Variants in NRF1 observed in about 807,000 individuals in gnomAD.
The protein encoded by NRF1 is alpha palindromic-binding protein.
In NRF1, 5 loss-of-function variants were observed where a neutral mutation model predicts 58.5. The ratio of observed to expected loss-of-function variants is 0.09; its 90% CI spans 0.04 to 0.18. The LOEUF is 0.18. Ranked by LOEUF, NRF1 falls within the 10% of genes least tolerant of loss-of-function variation. The probability of loss-of-function intolerance (pLI) is 1.00; values close to 1 mark genes in which losing one functional copy is unlikely to be tolerated. For synonymous variants in NRF1, 224 were observed against 246.7 expected, an observed-to-expected ratio of 0.91 and a Z score of 0.86; for missense variants, 288 against 657.7, an observed-to-expected ratio of 0.44 and a Z score of 6.15.
chr7:129,722,569 T>G (rs1803353641), intron 9 of NRF1, among the ~76,000 whole-genome samples: 1 of 152,142 alleles, frequency 6.6e-6, no homozygotes, highest in Non-Finnish European at 1.5e-5. Context: ...CGTACTGATC[T>G]GTCAACCTGT....
At chr7:129,711,267 A>G (rs555972748) in intron 7 of NRF1, among the ~76,000 whole-genome samples, 1 of 152,332 alleles carries the variant, frequency 6.6e-6, no homozygotes, top group East Asian at 1.9e-4. Context: ...CTTTTCTCAT[A>G]TGGACTTATT....
chr7:129,733,920 G>A (rs1228973378), intron 10 of NRF1, among the ~76,000 whole-genome samples: 1 of 152,014 alleles, frequency 6.6e-6, no homozygotes, highest in East Asian at 1.9e-4. Context: ...CTACTCAGGA[G>A]GCTAAGGTGA....
chr7:129,664,585 C>A (rs1801878338), intron 2 of NRF1, among the ~76,000 whole-genome samples: 1 of 152,154 alleles, frequency 6.6e-6, no homozygotes, highest in African/African-American at 2.4e-5. Flanking sequence ...GCTTATGTGT[C>A]CCAGCAGAGG....
intron 4 of NRF1, among the ~76,000 whole-genome samples, chr7:129,684,243 A>G (rs1305897090): frequency 3.3e-5 from 5 of 151,364 alleles, no homozygotes; most frequent in Admixed American, 6.6e-5. Context: ...AAGTCTGATA[A>G]AACAGAAAAA....
At chr7:129,677,530 G>A (rs1426982888) in intron 3 of NRF1, 102 bp from the exon 4 acceptor site, 12 of 1,032,000 alleles carry the variant, frequency 1.2e-5, no homozygotes, top group Non-Finnish European at 1.7e-5. Flanking sequence ...ACGTAAAAGA[G>A]CATATCTGAT....
chr7:129,739,560 T>C (rs1308857092), intron 10 of NRF1, among the ~76,000 whole-genome samples: 2 of 150,858 alleles, frequency 1.3e-5, no homozygotes, highest in East Asian at 3.9e-4. Context: ...AAAAAAAATC[T>C]ACCCATGTGA....
At chr7:129,690,633 C>T in intron 5 of NRF1, 87 bp downstream of exon 5, 2 of 1,422,094 alleles carry the variant, frequency 1.4e-6, no homozygotes, top group South Asian at 1.3e-5. Context: ...ATTTTGTCCT[C>T]AGTGATCTGA....
At chr7:129,714,174 TTC>T (rs1224892882) in intron 8 of NRF1, among the ~76,000 whole-genome samples, 1 of 152,242 alleles carries the variant, frequency 6.6e-6, no homozygotes, top group East Asian at 1.9e-4. Flanking sequence ...TAGAAATCTC[TTC>T]TCTGTTTCTC....
chr7:129,691,674 T>G (rs1055797964), intron 5 of NRF1, among the ~76,000 whole-genome samples: 1 of 152,126 alleles, frequency 6.6e-6, no homozygotes, highest in East Asian at 1.9e-4. Flanking sequence ...TCTTTATTAA[T>G]TTACTTCTAT....
intron 4 of NRF1, among the ~76,000 whole-genome samples, chr7:129,678,628 T>C (rs1038132904): frequency 1.3e-5 from 2 of 152,292 alleles, no homozygotes; most frequent in East Asian, 1.9e-4. Context: ...TTAGGACCTT[T>C]CCTTAGAAGA....
At chr7:129,619,480 GTGTGTGTGTGTATATATATATATATA>G (rs1414519914) in intron 1 of NRF1, among the ~76,000 whole-genome samples, 11 of 30,816 alleles carry the variant, frequency 3.6e-4, no homozygotes, top group Admixed American at 1.6e-3. Context: ...GTGTGTGTGT[GTGTGTGTGTGTATATATATATATATA>G]TATATATGTA....
intron 7 of NRF1, 104 bp downstream of exon 7, chr7:129,710,675 C>T: frequency 1.5e-6 from 1 of 686,664 alleles, no homozygotes; most frequent in Non-Finnish European, 2.6e-6. Flanking sequence ...CTTGTATGAA[C>T]TTTATATAGC....
chr7:129,679,344 C>G (rs762288152), intron 4 of NRF1, among the ~76,000 whole-genome samples: 2 of 152,016 alleles, frequency 1.3e-5, no homozygotes, highest in Non-Finnish European at 2.9e-5. Flanking sequence ...AGACAACATG[C>G]AGAGTGGGAG....
chr7:129,619,490 G>GTGTATA (rs1422472177), intron 1 of NRF1, among the ~76,000 whole-genome samples: 2 of 48,616 alleles, frequency 4.1e-5, no homozygotes, highest in African/African-American at 2.0e-4. Flanking sequence ...GTGTGTGTGT[G>GTGTATA]TATATATATA....
intron 5 of NRF1, among the ~76,000 whole-genome samples, chr7:129,691,011 C>CT (rs1802554322): frequency 6.6e-6 from 1 of 152,246 alleles, no homozygotes; most frequent in Admixed American, 6.5e-5. Flanking sequence ...GAGTGACAGT[C>CT]TTCTGAGTCG....
At chr7:129,653,497 A>G (rs1473397370) in intron 1 of NRF1, among the ~76,000 whole-genome samples, 1 of 152,164 alleles carries the variant, frequency 6.6e-6, no homozygotes, top group South Asian at 2.1e-4. Flanking sequence ...CCCTCATGGT[A>G]TTGTACATTA....
intron 3 of NRF1, among the ~76,000 whole-genome samples, chr7:129,671,841 A>G (rs193237903): frequency 2.0e-5 from 3 of 152,340 alleles, no homozygotes; most frequent in South Asian, 2.1e-4. Context: ...AAGAGCTTGT[A>G]TCCTGCTAGA....
chr7:129,698,914 T>C (rs1802757205), intron 5 of NRF1, among the ~76,000 whole-genome samples: 1 of 152,180 alleles, frequency 6.6e-6, no homozygotes, highest in Non-Finnish European at 1.5e-5. Context: ...GCATCTCTTG[T>C]TCTTGGGAGG....
rs188952302 is a variant in NRF1 at position 129,655,979 on chromosome 7, C to T, written c.-6-1367C>T. On this transcript the variant is annotated intron_variant, in intron 1 of 10. Coordinates refer to ENST00000393232, the MANE Select transcript of NRF1 (RefSeq NM_005011.5). ...CTGAATAATAAGTGGTATGTGTATACCACATTTTTTTTACCCATGCATTCA... is the reference window on the plus strand; with the variant it reads ...CTGAATAATAAGTGGTATGTGTATATCACATTTTTTTTACCCATGCATTCA... 2.0e-5 allele frequency among the ~76,000 whole-genome samples: 3 copies of T among 152,246 alleles called. No individual in the cohort carries two copies. In the East Asian group the frequency reaches 5.8e-4, roughly 29 times the overall value.
Sources: allele counts gnomAD v4.1 joint callset (sites outside exome capture counted in the v4.1 genomes callset), GRCh38; gene constraint gnomAD v4.1.1; transcripts MANE v1.5; gene names NCBI Gene and HGNC (gene_info 2026-07-23, HGNC 2026-07-21).